The following ACBD6 variants were observed in gnomAD, a reference collection of about 807,000 sequenced individuals.
The protein encoded by ACBD6 is acyl-CoA-binding domain-containing protein 6.
ACBD6 carries 28 observed loss-of-function variants against 37.2 expected under a neutral mutation model. The ratio of observed to expected loss-of-function variants is 0.75; its 90% CI spans 0.56 to 1.03. ACBD6 has a LOEUF of 1.03. Among genes scored for constraint, ACBD6 ranks in the 50% least tolerant of loss-of-function variants. The probability of loss-of-function intolerance (pLI) is 0.00; values close to 1 mark genes in which losing one functional copy is unlikely to be tolerated. For missense variants in ACBD6, 340 were observed against 337.4 expected (o/e 1.01, Z -0.06); for synonymous variants, 113 against 126.8 (o/e 0.89, Z 0.73).
intron 6 of ACBD6, among the ~76,000 whole-genome samples, chr1:180,327,853 T>C (rs539160284): frequency 2.6e-5 from 4 of 152,336 alleles, no homozygotes; most frequent in East Asian, 1.9e-4. Context: ...TTCTTCCACA[T>C]GTGCTCCTGA....
intron 3 of ACBD6, chr1:180,435,456 T>A: frequency 2.1e-6 from 1 of 487,542 alleles, no homozygotes; most frequent in Non-Finnish European, 3.7e-6. Context: ...GGTTTCACCG[T>A]TAGCCAGGAT....
chr1:180,491,139 T>A (rs949083462), intron 3 of ACBD6, among the ~76,000 whole-genome samples: 1 of 152,154 alleles, frequency 6.6e-6, no homozygotes, highest in African/African-American at 2.4e-5. Context: ...TAAGATTCCA[T>A]GATTAATGGA....
exon 11 of ACBD6, chr1:180,274,072 C>A: frequency 7.4e-7 from 1 of 1,344,536 alleles, no homozygotes. Context: ...GGCTGCAAGG[C>A]AGCTGCCATC....
At chr1:180,480,010 A>G (rs1650961891) in intron 3 of ACBD6, among the ~76,000 whole-genome samples, 1 of 152,050 alleles carries the variant, frequency 6.6e-6, no homozygotes, top group African/African-American at 2.4e-5. Flanking sequence ...AAAAAAGAAA[A>G]TACAAGCAGA....
chr1:180,499,032 A>T (rs1327856551), intron 1 of ACBD6, among the ~76,000 whole-genome samples: 1 of 152,184 alleles, frequency 6.6e-6, no homozygotes, highest in Admixed American at 6.5e-5. Flanking sequence ...AAACTTTATT[A>T]AAAGATTATT....
chr1:180,463,817 G>A (rs1369364639), intron 3 of ACBD6, among the ~76,000 whole-genome samples: 1 of 152,074 alleles, frequency 6.6e-6, no homozygotes, highest in African/African-American at 2.4e-5. Context: ...GCAAAATACT[G>A]GCAAACTGAA....
intron 6 of ACBD6, among the ~76,000 whole-genome samples, chr1:180,360,094 C>G (rs1259723913): frequency 6.6e-6 from 1 of 152,116 alleles, no homozygotes; most frequent in Admixed American, 6.6e-5. Flanking sequence ...ATATAAACAA[C>G]AGCTTTATTA....
intron 6 of ACBD6, among the ~76,000 whole-genome samples, chr1:180,385,482 C>T (rs534262073): frequency 6.6e-6 from 1 of 151,008 alleles, no homozygotes; most frequent in South Asian, 2.1e-4. Context: ...CTAAATTGTG[C>T]TCCCCCACAC....
intron 7 of ACBD6, among the ~76,000 whole-genome samples, chr1:180,294,230 G>A (rs767316965): frequency 1.3e-5 from 2 of 152,008 alleles, no homozygotes; most frequent in Non-Finnish European, 2.9e-5. Flanking sequence ...GGTAGTTTGT[G>A]TCTTTAAAAA....
intron 3 of ACBD6, among the ~76,000 whole-genome samples, chr1:180,482,182 T>C (rs1008656312): frequency 2.6e-5 from 4 of 152,162 alleles, no homozygotes; most frequent in Non-Finnish European, 5.9e-5. Context: ...CATAGGTAAG[T>C]ATAAACAACA....
chr1:180,271,946 CAGG>C lies in ACBD6; in HGVS notation c.*1276_*1278del, dbSNP rs749382204. On this transcript the variant is annotated 3_prime_UTR_variant, in exon 14 of 14. Transcript: ENST00000642319. ...CAAGAGGAGCCGGGGCAGCAGCAAG[CAGG>C]AGAAGGAGAGCTCTGCAGAGGACTG... is the stretch of plus-strand genomic sequence containing the variant. 1.2e-5 allele frequency: 20 copies of C among 1,613,146 alleles called. No individual in the cohort carries two copies. The highest frequency in any genetic ancestry group is 8.9e-5 in the East Asian group (4 of 44,776).
intron 7 of ACBD6, among the ~76,000 whole-genome samples, chr1:180,302,930 T>G (rs1168472032): frequency 6.7e-6 from 1 of 150,210 alleles, no homozygotes; most frequent in Non-Finnish European, 1.5e-5. Context: ...GCAATCAAAC[T>G]AGAACTCAGG....
exon 14 of ACBD6, chr1:180,271,157 A>G (rs547352247): frequency 1.8e-5 from 11 of 609,784 alleles, no homozygotes; most frequent in Non-Finnish European, 3.0e-5. Flanking sequence ...CTGAGCAGAG[A>G]AAGGACTGCT....
At chr1:180,296,881 C>T (rs1214505926) in intron 7 of ACBD6, among the ~76,000 whole-genome samples, 1 of 152,042 alleles carries the variant, frequency 6.6e-6, no homozygotes, top group African/African-American at 2.4e-5. Context: ...AATCCCAGCA[C>T]TTCGGGAGGC....
At chr1:180,333,632 G>A (rs574149394) in intron 6 of ACBD6, among the ~76,000 whole-genome samples, 38 of 152,308 alleles carry the variant, frequency 2.5e-4, no homozygotes, top group African/African-American at 8.9e-4. Flanking sequence ...CTGAGGTACC[G>A]GGGTCATCTC....
At chr1:180,485,018 C>T (rs867294577) in intron 3 of ACBD6, among the ~76,000 whole-genome samples, 1 of 116,216 alleles carries the variant, frequency 8.6e-6, no homozygotes, top group Non-Finnish European at 2.0e-5. Context: ...TGCAGTGAGC[C>T]GAGATTGCAC....
In ACBD6 at chr1:180,330,593, T is replaced by C. The variant is rs138858390; in HGVS notation, c.664-15871A>G. Among the ~76,000 whole-genome samples, 13 of 152,136 alleles carry C rather than the reference T, an allele frequency of 8.5e-5. 1 individual carries two copies. Among genetic ancestry groups the C allele is most frequent in the Admixed American group, 8.5e-4 (13 of 15,274 alleles). ...AATAGATGATATCCAAATTGATAAA[T>C]AGCTACTGTAAACATGACAAGCAAA... On this transcript the variant is annotated intron_variant, in intron 6 of 7. Transcript: ENST00000367595.
chr1:180,413,642 A>C (rs750670737), intron 4 of ACBD6, among the ~76,000 whole-genome samples, 171 bp from the exon 5 acceptor site: 1 of 152,170 alleles, frequency 6.6e-6, no homozygotes, highest in Non-Finnish European at 1.5e-5. Context: ...AACTCCTGAA[A>C]AGACTAAAGT....
At chr1:180,464,436 C>G (rs1650270923) in intron 3 of ACBD6, among the ~76,000 whole-genome samples, 1 of 152,024 alleles carries the variant, frequency 6.6e-6, no homozygotes, top group South Asian at 2.1e-4. Context: ...ATCCCATTCA[C>G]AACTGTCACA....
Sources: gnomAD v4.1 joint callset for allele counts (sites outside exome capture counted in the v4.1 genomes callset) on GRCh38, gnomAD v4.1.1 for gene constraint, MANE v1.5 for transcripts, NCBI Gene and HGNC (gene_info 2026-07-23, HGNC 2026-07-21) for gene names.